The following SPATA16 variants were observed in gnomAD, a reference collection of about 807,000 sequenced individuals.
SPATA16 encodes the protein spermatogenesis associated 16.
SPATA16 carries 36 observed loss-of-function variants against 63.3 expected under a neutral mutation model. The ratio of observed to expected loss-of-function variants is 0.57; its 90% CI spans 0.44 to 0.75. SPATA16 has a LOEUF of 0.75. SPATA16 is among the 30% of genes least tolerant of loss of function. The pLI is 0.00. For synonymous variants in SPATA16, 203 were observed against 216.7 expected, an observed-to-expected ratio of 0.94 and a Z score of 0.56; for missense variants, 646 against 679.3, an observed-to-expected ratio of 0.95 and a Z score of 0.54.
chr3:172,950,082 C>A (rs771935552), intron 6 of SPATA16, among the ~76,000 whole-genome samples: 10 of 152,150 alleles, frequency 6.6e-5, no homozygotes, highest in Admixed American at 1.3e-4. Context: ...GGATTATTGA[C>A]TGCTGTTTCT....
At chr3:172,930,181 A>G (rs1025921684) in intron 6 of SPATA16, among the ~76,000 whole-genome samples, 5 of 152,204 alleles carry the variant, frequency 3.3e-5, no homozygotes, top group Admixed American at 3.3e-4. Flanking sequence ...ACATCACTAC[A>G]TCACCACTCG....
intron 2 of SPATA16, among the ~76,000 whole-genome samples, chr3:173,115,430 C>T (rs1577182210): frequency 6.6e-6 from 1 of 152,160 alleles, no homozygotes; most frequent in African/African-American, 2.4e-5. Context: ...TTTGTAGAGT[C>T]TTTCATTAGC....
At chr3:173,075,771 G>A (rs919506153) in intron 2 of SPATA16, among the ~76,000 whole-genome samples, 1 of 152,156 alleles carries the variant, frequency 6.6e-6, no homozygotes, top group African/African-American at 2.4e-5. Flanking sequence ...AGGGGCTGGT[G>A]TGGGTAGTGG....
intron 2 of SPATA16, among the ~76,000 whole-genome samples, chr3:173,075,060 T>TTGGATGA (rs1002896152): frequency 3.4e-4 from 52 of 150,956 alleles, no homozygotes; most frequent in Non-Finnish European, 6.9e-4. Context: ...ACTATGCTAT[T>TTGGATGA]TGGATGATGA....
At chr3:173,102,992 C>A (rs570651729) in intron 2 of SPATA16, among the ~76,000 whole-genome samples, 1 of 152,294 alleles carries the variant, frequency 6.6e-6, no homozygotes, top group South Asian at 2.1e-4. Context: ...AAGAAAAGGG[C>A]TATATGCCCC....
chr3:173,045,398 G>A (rs1158698470), intron 3 of SPATA16, among the ~76,000 whole-genome samples: 1 of 152,108 alleles, frequency 6.6e-6, no homozygotes, highest in Non-Finnish European at 1.5e-5. Flanking sequence ...TCCAAGGCCT[G>A]AAAGCCGTTG....
chr3:173,069,909 A>C (rs1366457352), intron 2 of SPATA16, among the ~76,000 whole-genome samples: 2 of 152,128 alleles, frequency 1.3e-5, no homozygotes, highest in Non-Finnish European at 2.9e-5. Context: ...AATAGATGCT[A>C]GTAACAGCAT....
At chr3:173,092,088 G>A (rs1737239183) in intron 2 of SPATA16, among the ~76,000 whole-genome samples, 1 of 152,064 alleles carries the variant, frequency 6.6e-6, no homozygotes, top group African/African-American at 2.4e-5. Flanking sequence ...GACCCATCTG[G>A]ATCAGCCCTG....
At chr3:172,923,791 T>G (rs1349789282) in intron 8 of SPATA16, among the ~76,000 whole-genome samples, 1 of 152,234 alleles carries the variant, frequency 6.6e-6, no homozygotes, top group Non-Finnish European at 1.5e-5. Flanking sequence ...CAGTGTGGTA[T>G]GAAGGCACTA....
chr3:172,919,367 G>T (rs1732569705), intron 8 of SPATA16, among the ~76,000 whole-genome samples: 1 of 152,168 alleles, frequency 6.6e-6, no homozygotes, highest in Non-Finnish European at 1.5e-5. Flanking sequence ...GGTTCAGTAG[G>T]ATTAGAAGTC....
intron 3 of SPATA16, among the ~76,000 whole-genome samples, chr3:173,024,005 C>T (rs1735396086): frequency 6.6e-6 from 1 of 151,178 alleles, no homozygotes; most frequent in Non-Finnish European, 1.5e-5. Context: ...TCTTGATTCC[C>T]ACCTCAAACC....
chr3:172,950,422 C>A (rs150906649), intron 6 of SPATA16, among the ~76,000 whole-genome samples: 1 of 152,166 alleles, frequency 6.6e-6, no homozygotes, highest in Admixed American at 6.5e-5. Context: ...AAGAATTCTG[C>A]GGTGCAAATA....
intron 4 of SPATA16, among the ~76,000 whole-genome samples, chr3:173,003,068 A>G (rs1734861965): frequency 6.6e-6 from 1 of 152,160 alleles, no homozygotes; most frequent in Non-Finnish European, 1.5e-5. Context: ...TAAAACCAAG[A>G]TTTTAAGCTT....
intron 6 of SPATA16, among the ~76,000 whole-genome samples, chr3:172,929,235 A>T (rs1732810830): frequency 6.6e-6 from 1 of 151,432 alleles, no homozygotes; most frequent in African/African-American, 2.4e-5. Flanking sequence ...TTTATTATTA[A>T]AAAAAAATCA....
chr3:172,970,228 T>A (rs777294933), intron 5 of SPATA16, among the ~76,000 whole-genome samples: 1 of 152,198 alleles, frequency 6.6e-6, no homozygotes, highest in Non-Finnish European at 1.5e-5. Flanking sequence ...CTTTGCTTCC[T>A]TTCCTTGACA....
At chr3:173,035,213 C>G (rs1735689508) in intron 3 of SPATA16, among the ~76,000 whole-genome samples, 1 of 152,048 alleles carries the variant, frequency 6.6e-6, no homozygotes, top group Non-Finnish European at 1.5e-5. Context: ...AACCAGTAAT[C>G]AACACATCAA....
intron 4 of SPATA16, among the ~76,000 whole-genome samples, chr3:172,980,425 G>T (rs1027383926): frequency 6.6e-6 from 1 of 152,070 alleles, no homozygotes; most frequent in African/African-American, 2.4e-5. Context: ...TCATTTCATT[G>T]TCATGATTCT....
chr3:173,093,565 T>C (rs1260215954), intron 2 of SPATA16, among the ~76,000 whole-genome samples: 1 of 152,122 alleles, frequency 6.6e-6, no homozygotes, highest in African/African-American at 2.4e-5. Flanking sequence ...AAATAAAAAC[T>C]TCTAAAAGAT....
intron 8 of SPATA16, among the ~76,000 whole-genome samples, chr3:172,920,654 G>A (rs988212429): frequency 1.7e-4 from 26 of 152,042 alleles, no homozygotes; most frequent in African/African-American, 6.3e-4. Context: ...GTGTATTATT[G>A]CCAAGTTAAC....
Sources: allele counts gnomAD v4.1 joint callset (sites outside exome capture counted in the v4.1 genomes callset), GRCh38; gene constraint gnomAD v4.1.1; transcripts MANE v1.5; gene names NCBI Gene and HGNC (gene_info 2026-07-23, HGNC 2026-07-21).